The following ADCY3 variants were observed in gnomAD, a reference collection of about 807,000 sequenced individuals.
The protein encoded by ADCY3 is adenylate cyclase type 3.
Under a neutral mutation model 119.4 loss-of-function variants are expected in ADCY3, and 70 were observed. The ratio of observed to expected loss-of-function variants is 0.59; its 90% CI spans 0.48 to 0.72. ADCY3 has a LOEUF of 0.72. Among genes scored for constraint, ADCY3 ranks in the 30% least tolerant of loss-of-function variants. ADCY3 has a pLI of 0.00. For missense variants in ADCY3, 1,238 were observed against 1,541.6 expected, an observed-to-expected ratio of 0.80 and a Z score of 3.30; for synonymous variants, 672 against 621.4, an observed-to-expected ratio of 1.08 and a Z score of -1.21.
Position 24,842,237 on chromosome 2 carries a change from G to GC in ADCY3, c.956+16dup. The GC allele has an allele frequency of 6.2e-7, 1 of 1,613,722 alleles. No homozygotes were observed. The highest frequency in any genetic ancestry group is 8.5e-7 in the Non-Finnish European group (1 of 1,179,928). On this transcript the variant is annotated intron_variant, in intron 4 of 21. Transcript: ENST00000679454. This position sits in a 1 kb window ranked among gnomAD's most constrained non-coding sequence, Gnocchi z 4.9. The stretch of plus-strand genomic sequence containing the variant: ...AGCCTGCTCTGCCATCAGAGCCCGC[G>GC]CCCCGGGCCGGCGTACCTGACGTTC...
At chr2:24,883,279 C>T (rs1427245750) in intron 2 of ADCY3, among the ~76,000 whole-genome samples, 5 of 152,062 alleles carry the variant, frequency 3.3e-5, no homozygotes, top group Non-Finnish European at 7.4e-5. Context: ...ACCCGGGAGT[C>T]GGAGGTTGCA....
At chr2:24,901,560 G>A (rs895304114) in intron 2 of ADCY3, among the ~76,000 whole-genome samples, 2 of 152,078 alleles carry the variant, frequency 1.3e-5, no homozygotes, top group African/African-American at 2.4e-5. Flanking sequence ...AAATGTAGGG[G>A]GATTCTGTAC....
chr2:24,880,840 A>AC, intron 2 of ADCY3, among the ~76,000 whole-genome samples: 1 of 152,088 alleles, frequency 6.6e-6, no homozygotes, highest in African/African-American at 2.4e-5. Context: ...ATGTGGCGAA[A>AC]CTCATCTCTA....
chr2:24,861,597 G>A (rs1157218306), intron 3 of ADCY3, among the ~76,000 whole-genome samples: 1 of 152,102 alleles, frequency 6.6e-6, no homozygotes, highest in Non-Finnish European at 1.5e-5. Flanking sequence ...GCTTTTACAG[G>A]AGGAAAGTGA....
Position 24,877,903 on chromosome 2 carries a change from G to A in ADCY3, c.676-5184C>T, listed in dbSNP as rs775676172. The A allele has an allele frequency of 3.6e-5, 17 of 471,134 alleles. No homozygotes were observed. The East Asian group carries it at 4.2e-4, about 12-fold the overall frequency. 29.2% of individuals were successfully genotyped at this position (471,134 alleles called of 1,614,324 possible). On this transcript the variant is annotated intron_variant, in intron 2 of 21. Transcript: ENST00000679454. ...GGAGCTGACTGCACTGCCCAGTCCC[G>A]GGTCCTGGGGTGACTCACCAAACCC...
chr2:24,899,751 C>G lies in ADCY3; in HGVS notation c.675+18562G>C, dbSNP rs1039197359. On this transcript the variant is annotated intron_variant, in intron 2 of 21. Coordinates refer to ENST00000679454, the MANE Select transcript of ADCY3 (RefSeq NM_004036.5). This position sits in a 1 kb window ranked among gnomAD's most constrained non-coding sequence, Gnocchi z 4.5. ...GCATAAGCTTATATAAAGAATGTAT[C>G]TGTCCTAAATGTGCATAGAGTCACA... 6.6e-6 allele frequency among the ~76,000 whole-genome samples: 1 copy of G among 152,204 alleles called. No individual in the cohort carries two copies. The highest frequency in any genetic ancestry group is 1.5e-5 in the Non-Finnish European group (1 of 68,042).
At chr2:24,862,291 A>G (rs1254665288) in intron 3 of ADCY3, among the ~76,000 whole-genome samples, 2 of 152,232 alleles carry the variant, frequency 1.3e-5, no homozygotes, top group Non-Finnish European at 2.9e-5. Flanking sequence ...TCACGCCTGT[A>G]ATCCCAGCAC....
chr2:24,891,400 T>C (rs1677636202), intron 2 of ADCY3, among the ~76,000 whole-genome samples: 1 of 152,206 alleles, frequency 6.6e-6, no homozygotes, highest in Non-Finnish European at 1.5e-5. Context: ...CTATCCATGC[T>C]ACCCACCTGT....
intron 11 of ADCY3, among the ~76,000 whole-genome samples, chr2:24,833,864 G>A (rs1415230346): frequency 6.6e-6 from 1 of 152,262 alleles, no homozygotes; most frequent in Non-Finnish European, 1.5e-5. Context: ...TAGATAGTGT[G>A]ACCCAGCCCA....
chr2:24,880,910 G>T (rs1342228214), intron 2 of ADCY3, among the ~76,000 whole-genome samples: 2 of 152,076 alleles, frequency 1.3e-5, no homozygotes, highest in Non-Finnish European at 2.9e-5. Flanking sequence ...AGCTATTCGG[G>T]AGGCTGAGGC....
intron 6 of ADCY3, chr2:24,840,387 A>G: frequency 1.2e-5 from 5 of 405,838 alleles, no homozygotes; most frequent in South Asian, 9.3e-5. Context: ...CACAGAGGTG[A>G]AGAAAATAGC....
intron 15 of ADCY3, 88 bp downstream of exon 15, chr2:24,827,458 T>G: frequency 4.5e-5 from 64 of 1,427,702 alleles, no homozygotes; most frequent in Non-Finnish European, 5.8e-5. Flanking sequence ...CCCGGGAGGG[T>G]GAGATCCCGG....
rs980520931 is a variant in ADCY3, at chr2:24,893,178, C to A, written c.676-20459G>T. On this transcript the variant is annotated intron_variant, in intron 2 of 21. Coordinates refer to ENST00000679454, the MANE Select transcript of ADCY3 (RefSeq NM_004036.5). ...CCTCCAAGGTAGCTAAGACTACCAG[C>A]GCATACCATCACCCCCAGCTAATTT... 2.6e-5 allele frequency among the ~76,000 whole-genome samples: 4 copies of A among 152,046 alleles called. No individual in the cohort carries two copies. In the South Asian group the frequency reaches 8.3e-4, roughly 32 times the overall value.
intron 3 of ADCY3, among the ~76,000 whole-genome samples, chr2:24,858,322 T>A (rs113569595): frequency 0.044 from 6,745 of 152,178 alleles, 457 homozygotes; most frequent in African/African-American, 0.14. Flanking sequence ...GAGTCAAAAA[T>A]CCAGGTTTTT....
rs1558534957 is a variant in ADCY3 at position 24,918,246 on chromosome 2, C to T, written c.675+67G>A. On this transcript the variant is annotated intron_variant, in intron 2 of 21. Coordinates refer to ENST00000679454, the MANE Select transcript of ADCY3 (RefSeq NM_004036.5). The surrounding 1 kb of genome is among the most constrained non-coding windows in gnomAD (Gnocchi z 5.4). ...TCAAAGGCAAAGCAAACAGCAACTC[C>T]AACAGGTCCCAAGTTGGTGAGAGCT... The T allele has an allele frequency of 2.5e-5, 38 of 1,499,212 alleles. No homozygotes were observed. The highest frequency in any genetic ancestry group is 2.3e-5 in the Non-Finnish European group (26 of 1,123,080). The allele number at this position is 1,499,212 out of a possible 1,614,324, so 92.9% of individuals were successfully genotyped here. A position where few individuals can be genotyped will look rare whatever the true frequency, so the allele number is the denominator to read the frequency against.
intron 2 of ADCY3, among the ~76,000 whole-genome samples, chr2:24,891,794 C>A (rs1349879889): frequency 2.6e-5 from 4 of 152,182 alleles, no homozygotes; most frequent in Non-Finnish European, 2.9e-5. Flanking sequence ...AAGACACAAA[C>A]AGAAAATGTG....
intron 21 of ADCY3, 61 bp from the exon 22 acceptor site, chr2:24,820,175 T>TG: frequency 2.4e-6 from 1 of 425,520 alleles, no homozygotes; most frequent in Non-Finnish European, 3.9e-6. Context: ...TGAGGGCGGG[T>TG]GGGGGCTTTG....
rs2148342153 is a variant in ADCY3 at position 24,821,318 on chromosome 2, A to T, written c.3127+199T>A. On this transcript the variant is annotated intron_variant, in intron 20 of 21. Coordinates refer to ENST00000679454, the MANE Select transcript of ADCY3 (RefSeq NM_004036.5). ...GTAGGCACAGTATAGTCGGATCATC[A>T]CATCAGCTGGGTTTTTGGTTTAGTC... 4 of 681,408 alleles carry T rather than the reference A, an allele frequency of 5.9e-6. No homozygotes were observed. In the East Asian group the frequency reaches 1.1e-4, roughly 19 times the overall value. The allele number at this position is 681,408 out of a possible 1,614,324, so 42.2% of individuals were successfully genotyped here.
chr2:24,879,366 C>A (rs1185848101), intron 2 of ADCY3, among the ~76,000 whole-genome samples: 1 of 146,372 alleles, frequency 6.8e-6, no homozygotes, highest in Non-Finnish European at 1.5e-5. Flanking sequence ...GGCAGGAGAA[C>A]GGCATGAACC....
Sources: gnomAD v4.1 joint callset for allele counts (sites outside exome capture counted in the v4.1 genomes callset) on GRCh38, gnomAD v4.1.1 for gene constraint, Gnocchi (gnomAD v3.1) non-coding constraint, MANE v1.5 for transcripts, NCBI Gene and HGNC (gene_info 2026-07-23, HGNC 2026-07-21) for gene names.